The following ST7 variants were observed in gnomAD, a reference collection of about 807,000 sequenced individuals.
ST7 encodes suppressor of tumorigenicity 7 protein.
ST7 carries 28 observed loss-of-function variants against 78.7 expected under a neutral mutation model. The observed-to-expected ratio is 0.36, with a 90% CI of 0.26 to 0.49. The LOEUF (loss-of-function observed/expected upper bound fraction) is 0.49, where lower values mean the gene tolerates loss of function less well. Among genes scored for constraint, ST7 ranks in the 20% least tolerant of loss-of-function variants. The pLI is 0.99. For synonymous variants in ST7, 247 were observed against 249.6 expected (o/e 0.99, Z 0.10); for missense variants, 418 against 696.0 (o/e 0.60, Z 4.49).
rs964377827 is a variant in ST7, at chr7:117,224,004, T to C, written c.1638+1942T>C. ...CTTGTATACTTATAATCATAGCCTC[T>C]TAGAGTTGAAAGGGACCTGAAGCAA... On this transcript the variant is annotated intron_variant, in intron 15 of 15. Coordinates refer to ENST00000323984, the MANE Select transcript of ST7 (RefSeq NM_001369598.1). The C allele has an allele frequency of 9.5e-6, 9 of 943,624 alleles. No individual in the cohort carries two copies. The African/African-American group carries it at 1.2e-4, about 13-fold the overall frequency. The allele number at this position is 943,624 out of a possible 1,614,324, so 58.5% of individuals were successfully genotyped here. A position where few individuals can be genotyped will look rare whatever the true frequency, so the allele number is the denominator to read the frequency against.
chr7:117,127,527 A>G (rs1314418742), intron 3 of ST7, among the ~76,000 whole-genome samples: 1 of 151,918 alleles, frequency 6.6e-6, no homozygotes. Flanking sequence ...TGCACCTTCA[A>G]TTTAAAGGGC....
chr7:116,979,073 G>C (rs1008381252), intron 1 of ST7, among the ~76,000 whole-genome samples: 19 of 152,328 alleles, frequency 1.2e-4, no homozygotes, highest in African/African-American at 4.3e-4. Context: ...AGGCAGCCAT[G>C]TGGAAAGGCT....
intron 1 of ST7, among the ~76,000 whole-genome samples, chr7:117,044,613 G>A (rs889977251): frequency 1.3e-5 from 2 of 152,222 alleles, no homozygotes; most frequent in South Asian, 2.1e-4. Context: ...GGCCCCTAAG[G>A]TAGGGGTTTT....
intron 13 of ST7, among the ~76,000 whole-genome samples, chr7:117,212,827 A>C (rs1792399912): frequency 6.6e-6 from 1 of 152,234 alleles, no homozygotes; most frequent in Non-Finnish European, 1.5e-5. Context: ...CTTTTAAAAA[A>C]ACAAAGCTGT....
chr7:117,229,409 G>T (rs2116248129), intron 15 of ST7, among the ~76,000 whole-genome samples: 1 of 152,280 alleles, frequency 6.6e-6, no homozygotes, highest in East Asian at 1.9e-4. Flanking sequence ...TTTAACTCTT[G>T]TGCCCACTTG....
chr7:117,138,554 G>A (rs376624415), intron 9 of ST7, 22 bp downstream of exon 9: 32 of 1,549,382 alleles, frequency 2.1e-5, no homozygotes, highest in African/African-American at 2.7e-5. Flanking sequence ...TTTGTGTTTG[G>A]GATCAGTGGC....
intron 1 of ST7, among the ~76,000 whole-genome samples, chr7:117,082,046 CT>C (rs1422715792): frequency 1.3e-5 from 2 of 152,176 alleles, no homozygotes; most frequent in African/African-American, 4.8e-5. Context: ...GGTCAGATTT[CT>C]TTATCAGAGA....
intron 1 of ST7, among the ~76,000 whole-genome samples, chr7:117,057,186 G>C (rs536084097): frequency 6.6e-6 from 1 of 152,124 alleles, no homozygotes; most frequent in Admixed American, 6.5e-5. Flanking sequence ...TACATACTTA[G>C]AGCTGTATTT....
intron 10 of ST7, among the ~76,000 whole-genome samples, chr7:117,183,702 T>G (rs1033795330): frequency 6.6e-6 from 1 of 152,192 alleles, no homozygotes; most frequent in Non-Finnish European, 1.5e-5. Flanking sequence ...TGTCTAACAG[T>G]TTCCAATAAA....
chr7:117,009,006 A>T (rs1795268499), intron 1 of ST7, among the ~76,000 whole-genome samples: 1 of 152,202 alleles, frequency 6.6e-6, no homozygotes, highest in Non-Finnish European at 1.5e-5. Flanking sequence ...ACATTAATTT[A>T]TGTATTGTTT....
intron 3 of ST7, among the ~76,000 whole-genome samples, chr7:117,127,427 G>C (rs961365127): frequency 1.3e-5 from 2 of 151,870 alleles, no homozygotes; most frequent in Non-Finnish European, 2.9e-5. Flanking sequence ...AATTAACATA[G>C]CTGTGGCCTA....
At position 117,005,326 on chromosome 7, in the gene ST7, ATTATT is replaced by A. The variant is rs1795113461; in HGVS notation, c.151+51639_151+51643del. ...GTCACATGTAAGTTTAAAATCTAAT[ATTATT>A]TTAACATTGTACAGAACAGGAATAT... On this transcript the variant is annotated intron_variant, in intron 1 of 15. Transcript: ENST00000323984. 2.0e-5 allele frequency among the ~76,000 whole-genome samples: 3 copies of A among 152,262 alleles called. No individual in the cohort carries two copies. In the South Asian group the frequency reaches 6.2e-4, roughly 32 times the overall value.
intron 1 of ST7, among the ~76,000 whole-genome samples, chr7:117,079,551 G>A (rs562090159): frequency 1.3e-5 from 2 of 152,200 alleles, no homozygotes; most frequent in South Asian, 4.1e-4. Flanking sequence ...TCTTGATGTT[G>A]TTGCTGCTAT....
intron 13 of ST7, among the ~76,000 whole-genome samples, chr7:117,214,606 A>G (rs1221906828): frequency 1.3e-5 from 2 of 152,110 alleles, no homozygotes; most frequent in Non-Finnish European, 2.9e-5. Context: ...GAAAGCAATG[A>G]TAGGCTAAAG....
chr7:116,990,897 A>G (rs894423144), intron 1 of ST7, among the ~76,000 whole-genome samples: 1 of 152,226 alleles, frequency 6.6e-6, no homozygotes, highest in Non-Finnish European at 1.5e-5. Context: ...TACAGAAAAG[A>G]GCAGATATTC....
chr7:117,201,787 G>GC (rs1250225394), intron 12 of ST7, among the ~76,000 whole-genome samples: 2 of 151,868 alleles, frequency 1.3e-5, no homozygotes, highest in African/African-American at 4.8e-5. Context: ...GTGAGCCACT[G>GC]CCCCCAGCCA....
At chr7:117,059,880 G>A (rs1429615610) in intron 1 of ST7, among the ~76,000 whole-genome samples, 2 of 151,630 alleles carry the variant, frequency 1.3e-5, no homozygotes, top group African/African-American at 4.9e-5. Flanking sequence ...CTATTTGGGA[G>A]GCTGAGGTGG....
chr7:117,186,684 A>C (rs1809291854), intron 10 of ST7, among the ~76,000 whole-genome samples: 1 of 152,242 alleles, frequency 6.6e-6, no homozygotes, highest in South Asian at 2.1e-4. Flanking sequence ...TTTAAAAATG[A>C]ATATTAAAGC....
At chr7:116,996,329 G>A (rs113131210) in intron 1 of ST7, among the ~76,000 whole-genome samples, 110 of 152,108 alleles carry the variant, frequency 7.2e-4, no homozygotes, top group African/African-American at 2.6e-3. Context: ...CACCCACCTC[G>A]GCCTCCCAAA....
Sources: allele counts gnomAD v4.1 joint callset (sites outside exome capture counted in the v4.1 genomes callset), GRCh38; gene constraint gnomAD v4.1.1; transcripts MANE v1.5; gene names NCBI Gene and HGNC (gene_info 2026-07-23, HGNC 2026-07-21).